PSMB7: variants seen among roughly 807,000 people sequenced by gnomAD.
The protein encoded by PSMB7 is proteasome 20S subunit beta 7.
Under a neutral mutation model 28.1 loss-of-function variants are expected in PSMB7, and 5 were observed. The ratio of observed to expected loss-of-function variants is 0.18; its 90% CI spans 0.09 to 0.37. PSMB7 has a LOEUF of 0.37. PSMB7 is among the 10% of genes least tolerant of loss of function. The pLI is 1.00. For synonymous variants in PSMB7, 122 were observed against 123.7 expected (o/e 0.99, Z 0.09); for missense variants, 275 against 346.2 (o/e 0.79, Z 1.63).
At chr9:124,358,965 A>G (rs1830441319) in intron 6 of PSMB7, among the ~76,000 whole-genome samples, 1 of 152,242 alleles carries the variant, frequency 6.6e-6, no homozygotes, top group Non-Finnish European at 1.5e-5. Context: ...TGAGACATGC[A>G]TATCTAGTGT....
intron 4 of PSMB7, among the ~76,000 whole-genome samples, chr9:124,407,689 AC>A (rs1258075459): frequency 6.6e-6 from 1 of 152,232 alleles, no homozygotes; most frequent in Non-Finnish European, 1.5e-5. Flanking sequence ...CACAAATTCT[AC>A]TACCAGGACT....
At chr9:124,382,091 T>C (rs1830672692) in intron 6 of PSMB7, among the ~76,000 whole-genome samples, 1 of 150,728 alleles carries the variant, frequency 6.6e-6, no homozygotes, top group African/African-American at 2.4e-5. Flanking sequence ...AAACCCAGTC[T>C]CTACAAGAAT....
intron 5 of PSMB7, among the ~76,000 whole-genome samples, chr9:124,391,403 G>A (rs1830785820): frequency 6.6e-6 from 1 of 152,130 alleles, no homozygotes; most frequent in Non-Finnish European, 1.5e-5. Context: ...CTGGGAGATG[G>A]AGCTATCTTT....
At chr9:124,366,493 A>T (rs1170327193) in intron 6 of PSMB7, among the ~76,000 whole-genome samples, 1 of 152,272 alleles carries the variant, frequency 6.6e-6, no homozygotes, top group Non-Finnish European at 1.5e-5. Flanking sequence ...GTTAAGCGTT[A>T]TAAGGGTCCA....
chr9:124,410,947 T>C (rs1480939858), intron 4 of PSMB7, among the ~76,000 whole-genome samples: 2 of 152,158 alleles, frequency 1.3e-5, no homozygotes, highest in Non-Finnish European at 2.9e-5. Context: ...ATGTTTCCAA[T>C]GTTTTCAAAA....
At chr9:124,377,140 C>A (rs1349107652) in intron 6 of PSMB7, among the ~76,000 whole-genome samples, 1 of 152,136 alleles carries the variant, frequency 6.6e-6, no homozygotes, top group Non-Finnish European at 1.5e-5. Flanking sequence ...TATTTTAGAG[C>A]CAATTTTGTG....
chr9:124,404,293 T>C (rs577504605), intron 5 of PSMB7, among the ~76,000 whole-genome samples: 108 of 152,288 alleles, frequency 7.1e-4, no homozygotes, highest in Non-Finnish European at 1.4e-3. Flanking sequence ...TTTATGATCA[T>C]TGCAAATTCA....
chr9:124,357,504 C>G (rs1830421689), intron 6 of PSMB7, among the ~76,000 whole-genome samples: 1 of 152,210 alleles, frequency 6.6e-6, no homozygotes, highest in Non-Finnish European at 1.5e-5. Flanking sequence ...TGGGGAAATG[C>G]TGGCAGACCA....
intron 4 of PSMB7, among the ~76,000 whole-genome samples, chr9:124,410,252 C>G (rs145687203): frequency 0.024 from 3,682 of 152,140 alleles, 158 homozygotes; most frequent in African/African-American, 0.084. Context: ...CCTCGGCCCC[C>G]CAAAGTGCTG....
chr9:124,409,395 C>G (rs1831002641), intron 4 of PSMB7, among the ~76,000 whole-genome samples: 1 of 152,224 alleles, frequency 6.6e-6, no homozygotes, highest in African/African-American at 2.4e-5. Flanking sequence ...AACAGCATTT[C>G]ACTAACATTT....
At chr9:124,395,319 T>C (rs1830828339) in intron 5 of PSMB7, among the ~76,000 whole-genome samples, 3 of 151,024 alleles carry the variant, frequency 2.0e-5, no homozygotes, top group Non-Finnish European at 4.4e-5. Context: ...ACCCCGTCTC[T>C]ACCAAAAAAA....
chr9:124,357,421 T>C (rs1341884483), intron 6 of PSMB7, among the ~76,000 whole-genome samples: 3 of 152,102 alleles, frequency 2.0e-5, no homozygotes, highest in South Asian at 2.1e-4. Flanking sequence ...TGTCCAACAA[T>C]AGCTGAAAGT....
At chr9:124,366,024 T>C (rs1003290490) in intron 6 of PSMB7, among the ~76,000 whole-genome samples, 1 of 152,170 alleles carries the variant, frequency 6.6e-6, no homozygotes, top group Non-Finnish European at 1.5e-5. Context: ...GCCCTGGCCC[T>C]GCAAAGGTCT....
chr9:124,405,403 A>G lies in PSMB7; in HGVS notation c.425T>C (p.Val142Ala). Reference protein sequence around the residue: ...RYQGYIGAALVLGGVDVTGPH... With the variant: ...RYQGYIGAALALGGVDVTGPH... ...TCCAGTAACATCTACTCCCCCTAAA[A>G]CTAGGGCTGCACCAATGTAACCTTG... is the stretch of plus-strand genomic sequence containing the variant. Residue 142 changes from valine (V) to alanine (A), a missense_variant, in exon 5 of 8, where the codon GTT (valine) becomes GCT (alanine). Val to Ala is a moderately conservative substitution (Grantham distance 64, BLOSUM62 0). Transcript: ENST00000259457. The G allele has an allele frequency of 6.2e-7, 1 of 1,613,256 alleles. No individual in the cohort carries two copies. The highest frequency in any genetic ancestry group is 8.5e-7 in the Non-Finnish European group (1 of 1,179,268).
At chr9:124,384,314 T>C in intron 6 of PSMB7, 3 of 364,872 alleles carry the variant, frequency 8.2e-6, no homozygotes, top group Non-Finnish European at 1.5e-5. Flanking sequence ...CAAGAAAACA[T>C]TCCACGTTAC....
At position 124,353,691 on chromosome 9, in the gene PSMB7, A is replaced by C. The variant is rs1830359414; in HGVS notation, c.741T>G (p.Cys247Trp). 12 of 1,613,450 alleles carry C rather than the reference A, an allele frequency of 7.4e-6. No homozygotes were observed. Among genetic ancestry groups the C allele is most frequent in the Non-Finnish European group, 1.0e-5 (12 of 1,179,412 alleles). Residue 247 changes from cysteine (C) to tryptophan (W), a missense_variant, in exon 8 of 8, where the codon TGT (cysteine) becomes TGG (tryptophan). By Grantham distance (215) the Cys-to-Trp change is radical. Transcript: ENST00000259457. ...KKGTRLGRYR[C>W]EKGTTAVLTE... Reference sequence around the variant, plus strand: ...TGAGGACTGCAGTAGTCCCTTTCTCACACCTGTACCGGCCAAGCCTAGTAA... The same window carrying C: ...TGAGGACTGCAGTAGTCCCTTTCTCCCACCTGTACCGGCCAAGCCTAGTAA...
chr9:124,371,962 C>G (rs1218404565), intron 6 of PSMB7, among the ~76,000 whole-genome samples: 1 of 152,188 alleles, frequency 6.6e-6, no homozygotes, highest in African/African-American at 2.4e-5. Flanking sequence ...GTATGTCCCC[C>G]TACATTTCAG....
At chr9:124,397,153 G>A (rs1447018101) in intron 5 of PSMB7, among the ~76,000 whole-genome samples, 1 of 152,182 alleles carries the variant, frequency 6.6e-6, no homozygotes, top group Non-Finnish European at 1.5e-5. Flanking sequence ...TGTGGTTCAA[G>A]TAACCTCTCT....
At chr9:124,412,132 C>A (rs968796873) in intron 4 of PSMB7, among the ~76,000 whole-genome samples, 31 of 152,272 alleles carry the variant, frequency 2.0e-4, no homozygotes, top group African/African-American at 7.5e-4. Flanking sequence ...AATGACTCAA[C>A]TGGTGACATG....
Sources: gnomAD v4.1 joint callset for allele counts (sites outside exome capture counted in the v4.1 genomes callset) on GRCh38, gnomAD v4.1.1 for gene constraint, MANE v1.5 for transcripts, NCBI Gene and HGNC (gene_info 2026-07-23, HGNC 2026-07-21) for gene names.